The following PDE11A variants were observed in gnomAD, a reference collection of about 807,000 sequenced individuals.
The protein encoded by PDE11A is dual 3',5'-cyclic-AMP and -GMP phosphodiesterase 11A.
PDE11A carries 100 observed loss-of-function variants against 100.5 expected under a neutral mutation model. The observed-to-expected ratio is 1.00, with a 90% confidence interval of 0.85 to 1.18. PDE11A has a LOEUF of 1.18. Ranked by LOEUF, PDE11A falls within the 50% of genes most tolerant of loss-of-function variation. The pLI, the probability that PDE11A is intolerant of heterozygous loss-of-function variation, is 0.00. For synonymous variants in PDE11A, 381 were observed against 420.8 expected (o/e 0.91, Z 1.16); for missense variants, 1,141 against 1,152.6 (o/e 0.99, Z 0.15).
chr2:178,016,802 G>A (rs2105829374), intron 1 of PDE11A, among the ~76,000 whole-genome samples: 1 of 152,238 alleles, frequency 6.6e-6, no homozygotes. Flanking sequence ...GTTCCAAAAA[G>A]TCAAAGGTCA....
chr2:177,750,051 C>A (rs964504583), intron 10 of PDE11A, among the ~76,000 whole-genome samples: 19 of 152,236 alleles, frequency 1.2e-4, no homozygotes, highest in African/African-American at 4.6e-4. Flanking sequence ...ATACAAATCA[C>A]TGACTACCCG....
chr2:177,708,646 G>A (rs2081315021), intron 13 of PDE11A, among the ~76,000 whole-genome samples: 1 of 152,122 alleles, frequency 6.6e-6, no homozygotes, highest in Non-Finnish European at 1.5e-5. Context: ...AAACAAACAA[G>A]CAATGTTTTA....
chr2:178,044,623 C>T (rs1018924848), intron 1 of PDE11A, among the ~76,000 whole-genome samples: 1 of 151,926 alleles, frequency 6.6e-6, no homozygotes, highest in African/African-American at 2.4e-5. Flanking sequence ...AATCCCCTGC[C>T]CAGCCCCCAA....
chr2:178,060,419 C>A (rs1269742291), intron 1 of PDE11A, among the ~76,000 whole-genome samples: 1 of 152,222 alleles, frequency 6.6e-6, no homozygotes, highest in African/African-American at 2.4e-5. Context: ...TTGACCTCCA[C>A]CCTTTGACCA....
At chr2:177,733,500 C>A (rs2081723925) in intron 10 of PDE11A, among the ~76,000 whole-genome samples, 1 of 152,122 alleles carries the variant, frequency 6.6e-6, no homozygotes, top group Non-Finnish European at 1.5e-5. Context: ...TACAAAGAGG[C>A]CATAAAATGT....
At chr2:177,716,186 T>C (rs2081434377) in intron 12 of PDE11A, among the ~76,000 whole-genome samples, 1 of 152,146 alleles carries the variant, frequency 6.6e-6, no homozygotes, top group South Asian at 2.1e-4. Context: ...TGGGATTCAG[T>C]TTTTCTGGCA....
chr2:177,742,010 T>C (rs544002728), intron 10 of PDE11A, among the ~76,000 whole-genome samples: 1 of 146,796 alleles, frequency 6.8e-6, no homozygotes, highest in South Asian at 2.2e-4. Flanking sequence ...GCAGCAGCCT[T>C]GGTAACAGAG....
At chr2:178,047,504 T>C (rs1160272531) in intron 1 of PDE11A, among the ~76,000 whole-genome samples, 7 of 148,878 alleles carry the variant, frequency 4.7e-5, no homozygotes. Context: ...TATCAAAGAA[T>C]GGCTTTTCCC....
At chr2:177,718,605 A>T (rs2081477884) in intron 12 of PDE11A, among the ~76,000 whole-genome samples, 1 of 152,226 alleles carries the variant, frequency 6.6e-6, no homozygotes, top group African/African-American at 2.4e-5. Context: ...GAAAAGAAAG[A>T]TACAATAGTT....
chr2:177,782,452 T>A (rs973292152), intron 9 of PDE11A, among the ~76,000 whole-genome samples: 2 of 152,226 alleles, frequency 1.3e-5, no homozygotes, highest in Admixed American at 1.3e-4. Flanking sequence ...TAATCAGGTG[T>A]CAACTGAAGC....
At chr2:177,697,206 A>C (rs926298887) in intron 15 of PDE11A, 126 bp downstream of exon 15, 25 of 686,512 alleles carry the variant, frequency 3.6e-5, no homozygotes, top group African/African-American at 2.7e-4. Context: ...ACAACAACAA[A>C]AAAAGTTTAG....
intron 10 of PDE11A, among the ~76,000 whole-genome samples, chr2:177,760,291 T>C (rs2082150892): frequency 6.6e-6 from 1 of 152,230 alleles, no homozygotes; most frequent in East Asian, 1.9e-4. Context: ...TAAACATTTA[T>C]AGGTAGCATT....
chr2:177,957,135 G>C (rs1251374290), intron 2 of PDE11A, among the ~76,000 whole-genome samples: 3 of 151,806 alleles, frequency 2.0e-5, no homozygotes, highest in Admixed American at 6.6e-5. Context: ...ACTTTCAGTA[G>C]CAAGATACTT....
intron 5 of PDE11A, among the ~76,000 whole-genome samples, chr2:177,845,913 G>A (rs1024580323): frequency 8.7e-5 from 13 of 149,544 alleles, no homozygotes; most frequent in African/African-American, 2.0e-4. Flanking sequence ...GCAGGCACTC[G>A]GCAGGCTGAG....
intron 9 of PDE11A, among the ~76,000 whole-genome samples, chr2:177,781,500 T>C (rs962197989): frequency 4.5e-4 from 12 of 26,868 alleles, no homozygotes; most frequent in Non-Finnish European, 8.4e-4. Flanking sequence ...TTTCTTTTTC[T>C]TTTCTTTTTT....
intron 15 of PDE11A, among the ~76,000 whole-genome samples, chr2:177,694,865 C>A (rs560029267): frequency 1.4e-3 from 219 of 152,054 alleles, no homozygotes; most frequent in African/African-American, 5.2e-3. Context: ...CCTTCTTTTT[C>A]ATAGTTGCTC....
At chr2:177,833,468 C>T (rs1003639259) in intron 6 of PDE11A, among the ~76,000 whole-genome samples, 1 of 152,186 alleles carries the variant, frequency 6.6e-6, no homozygotes, top group African/African-American at 2.4e-5. Flanking sequence ...AGCTGATGCT[C>T]TCCCCAAGAG....
At chr2:178,060,617 G>A (rs1343585702) in intron 1 of PDE11A, among the ~76,000 whole-genome samples, 1 of 152,140 alleles carries the variant, frequency 6.6e-6, no homozygotes, top group Admixed American at 6.5e-5. Context: ...ACTGGGAATC[G>A]AATTCGGTCT....
chr2:178,044,577 G>T (rs1031610386), intron 1 of PDE11A, among the ~76,000 whole-genome samples: 1 of 151,752 alleles, frequency 6.6e-6, no homozygotes, highest in African/African-American at 2.4e-5. Flanking sequence ...TTCTTGGGAG[G>T]TATAACAAGC....
Sources: allele counts gnomAD v4.1 joint callset (sites outside exome capture counted in the v4.1 genomes callset), GRCh38; gene constraint gnomAD v4.1.1; transcripts MANE v1.5; gene names NCBI Gene and HGNC (gene_info 2026-07-23, HGNC 2026-07-21).